DNAH8: variants seen among roughly 807,000 people sequenced by gnomAD.
The protein encoded by DNAH8 is axonemal beta dynein heavy chain 8.
DNAH8 carries 382 observed loss-of-function variants against 562.1 expected under a neutral mutation model. The ratio of observed to expected loss-of-function variants is 0.68; its 90% CI spans 0.63 to 0.74. DNAH8 has a LOEUF of 0.74. Ranked by LOEUF, DNAH8 falls within the 30% of genes least tolerant of loss-of-function variation. DNAH8 has a pLI of 0.00. For missense variants in DNAH8, 5,203 were observed against 5,620.4 expected, an observed-to-expected ratio of 0.93 and a Z score of 2.37; for synonymous variants, 1,881 against 1,919.4, an observed-to-expected ratio of 0.98 and a Z score of 0.52.
At chr6:38,796,878 G>A (rs971738515) in intron 21 of DNAH8, among the ~76,000 whole-genome samples, 10 of 152,034 alleles carry the variant, frequency 6.6e-5, no homozygotes, top group East Asian at 3.9e-4. Context: ...TCTTGTCTGC[G>A]GCTTGTCCTG....
intron 9 of DNAH8, among the ~76,000 whole-genome samples, chr6:38,755,515 A>C (rs1003610239): frequency 1.3e-5 from 2 of 152,180 alleles, no homozygotes; most frequent in African/African-American, 4.8e-5. Context: ...ACACGAACTG[A>C]GTTGCATAAA....
At chr6:38,758,890 T>A (rs1437268220) in intron 10 of DNAH8, among the ~76,000 whole-genome samples, 7 of 152,178 alleles carry the variant, frequency 4.6e-5, no homozygotes, top group African/African-American at 1.7e-4. Flanking sequence ...CACTTGATCA[T>A]GGTGGATAAG....
chr6:38,944,161 TAGTG>T (rs879902950), intron 79 of DNAH8, among the ~76,000 whole-genome samples: 8,772 of 152,208 alleles, frequency 0.058, 539 homozygotes, highest in Admixed American at 0.17. Flanking sequence ...TGGCTCTCTC[TAGTG>T]GCTGCTTCTC....
chr6:38,968,973 A>G (rs560601742), intron 82 of DNAH8, among the ~76,000 whole-genome samples: 2 of 152,248 alleles, frequency 1.3e-5, no homozygotes, highest in Non-Finnish European at 2.9e-5. Context: ...GAAGTAATAC[A>G]TGCTACAATA....
At chr6:38,797,490 C>G (rs749397127) in intron 21 of DNAH8, among the ~76,000 whole-genome samples, 1 of 152,142 alleles carries the variant, frequency 6.6e-6, no homozygotes, top group East Asian at 1.9e-4. Context: ...GTAAGCTTCC[C>G]TGTGTCCTCT....
chr6:38,991,238 C>T (rs1764762531), intron 88 of DNAH8, among the ~76,000 whole-genome samples: 1 of 152,170 alleles, frequency 6.6e-6, no homozygotes. Context: ...CCTCTCATCT[C>T]GCCCAGGCTG....
rs1425528912 is a variant in DNAH8, at chr6:38,786,887, C to A, written c.2518C>A (p.Pro840Thr). Reference protein sequence around the residue: ...KCMIKMKLDVPEQAKRLLKLE... With the variant: ...KCMIKMKLDVTEQAKRLLKLE... ...TATGATAAAAATGAAGTTGGATGTA[C>A]CAGAACAGGCAAAGAGATTGCTAAA... The change falls in exon 18 of 93, where the codon CCA (proline) becomes ACA (threonine). Residue 840 changes from proline (P) to threonine (T), a missense_variant. By Grantham distance (38) the Pro-to-Thr change is conservative. This residue lies in a region of DNAH8 where 2,176 missense variants were observed against 2,365.1 expected (regional missense o/e 0.92). Coordinates refer to ENST00000327475, the MANE Select transcript of DNAH8 (RefSeq NM_001206927.2). The A allele has an allele frequency of 5.6e-6, 9 of 1,612,272 alleles. No individual in the cohort carries two copies. The East Asian group carries it at 1.6e-4, about 28-fold the overall frequency.
intron 76 of DNAH8, 60 bp downstream of exon 76, chr6:38,932,053 G>A: frequency 7.9e-7 from 1 of 1,267,490 alleles, no homozygotes; most frequent in Non-Finnish European, 1.0e-6. Context: ...AATGTATTGA[G>A]AAATTGCTAA....
At chr6:38,723,820 G>A (rs1200380546) in intron 3 of DNAH8, among the ~76,000 whole-genome samples, 1 of 151,906 alleles carries the variant, frequency 6.6e-6, no homozygotes, top group African/African-American at 2.4e-5. Context: ...AGGATGCAGT[G>A]AGTACTCCAG....
chr6:38,759,479 C>T (rs74514643), intron 10 of DNAH8, among the ~76,000 whole-genome samples: 518 of 152,252 alleles, frequency 3.4e-3, no homozygotes, highest in Non-Finnish European at 5.8e-3. Flanking sequence ...GTCCTAAATA[C>T]GACAAGACTC....
At chr6:38,876,954 A>G (rs1259182476) in intron 53 of DNAH8, among the ~76,000 whole-genome samples, 1 of 152,200 alleles carries the variant, frequency 6.6e-6, no homozygotes, top group Non-Finnish European at 1.5e-5. Flanking sequence ...CAATAATTGT[A>G]TTACATGTGT....
intron 21 of DNAH8, among the ~76,000 whole-genome samples, chr6:38,799,029 C>T (rs1770544176): frequency 2.0e-5 from 3 of 152,188 alleles, no homozygotes; most frequent in Admixed American, 1.3e-4. Context: ...TTGGTGCCTC[C>T]TCTTGGGTTA....
At chr6:38,722,663 A>G (rs1000901790) in intron 1 of DNAH8, 113 bp from the exon 2 acceptor site, 39 of 861,564 alleles carry the variant, frequency 4.5e-5, no homozygotes, top group Admixed American at 6.0e-5. Context: ...CTTAGATAAT[A>G]TGGCAAGGGA....
intron 76 of DNAH8, chr6:38,933,007 T>C (rs1220561851): frequency 6.6e-6 from 1 of 152,322 alleles, no homozygotes; most frequent in Non-Finnish European, 1.5e-5. Flanking sequence ...CTGGGGCTTA[T>C]GCAGTCCAGG....
intron 82 of DNAH8, among the ~76,000 whole-genome samples, chr6:38,964,832 C>T (rs979719267): frequency 1.3e-5 from 2 of 152,090 alleles, no homozygotes; most frequent in Admixed American, 1.3e-4. Context: ...GAGGCTGAGG[C>T]AGAAGGATCA....
At chr6:38,727,768 G>C (rs1281155245) in intron 3 of DNAH8, among the ~76,000 whole-genome samples, 1 of 152,104 alleles carries the variant, frequency 6.6e-6, no homozygotes, top group African/African-American at 2.4e-5. Flanking sequence ...TGCAACATTG[G>C]CACTTTTACC....
chr6:38,792,529 C>T (rs1769857293), intron 21 of DNAH8, among the ~76,000 whole-genome samples: 1 of 152,194 alleles, frequency 6.6e-6, no homozygotes, highest in African/African-American at 2.4e-5. Context: ...TACCCTGACA[C>T]ATCCATCCAC....
intron 67 of DNAH8, among the ~76,000 whole-genome samples, chr6:38,914,426 A>G: frequency 9.5e-6 from 1 of 104,862 alleles, no homozygotes; most frequent in Non-Finnish European, 1.7e-5. Context: ...TTTGAGACAG[A>G]GTCTTGCTCT....
At chr6:38,972,075 A>C (rs1469580558) in intron 83 of DNAH8, 1 of 155,500 alleles carries the variant, frequency 6.4e-6, no homozygotes, top group Non-Finnish European at 1.4e-5. Context: ...GCAAAGAAGG[A>C]ATATTTAAGG....
Sources: allele counts gnomAD v4.1 joint callset (sites outside exome capture counted in the v4.1 genomes callset), GRCh38; gene constraint gnomAD v4.1.1; regional missense constraint gnomAD v4.1.1; transcripts MANE v1.5; gene names NCBI Gene and HGNC (gene_info 2026-07-23, HGNC 2026-07-21).